ABCC5: variants seen among roughly 807,000 people sequenced by gnomAD.
ABCC5 encodes ATP binding cassette subfamily C member 5.
ABCC5 carries 61 observed loss-of-function variants against 160.9 expected under a neutral mutation model. The ratio of observed to expected loss-of-function variants is 0.38; its 90% CI spans 0.31 to 0.47. ABCC5 has a LOEUF of 0.47. Among genes scored for constraint, ABCC5 ranks in the 20% least tolerant of loss-of-function variants. The pLI is 0.99. For missense variants in ABCC5, 1,308 were observed against 1,813.3 expected, an observed-to-expected ratio of 0.72 and a Z score of 5.06; for synonymous variants, 666 against 700.6, an observed-to-expected ratio of 0.95 and a Z score of 0.78.
chr3:183,994,933 T>C (rs1720140288), intron 2 of ABCC5, among the ~76,000 whole-genome samples: 1 of 151,438 alleles, frequency 6.6e-6, no homozygotes, highest in African/African-American at 2.4e-5. Context: ...TCACGGCTCA[T>C]TGCAGCCTTG....
intron 24 of ABCC5, among the ~76,000 whole-genome samples, chr3:183,944,789 G>A (rs968698576): frequency 6.6e-5 from 10 of 152,088 alleles, no homozygotes; most frequent in African/African-American, 1.9e-4. Flanking sequence ...TGTGTGGCCT[G>A]AGACAATTCT....
At position 183,963,853 on chromosome 3, in the gene ABCC5, A is replaced by C. The variant is rs977670228; in HGVS notation, c.2032-265T>G. On this transcript the variant is annotated intron_variant, in intron 14 of 29. Transcript: ENST00000334444. The surrounding 1 kb of genome is among the most constrained non-coding windows in gnomAD (Gnocchi z 4.6). Reference sequence around the variant, plus strand: ...CATCTGGTCTTGCCAGTCCACCCGGATGCTCCCCCTCCAATCCATTCTCCA... The same window carrying C: ...CATCTGGTCTTGCCAGTCCACCCGGCTGCTCCCCCTCCAATCCATTCTCCA... Among the ~76,000 whole-genome samples, 1 of 152,088 alleles carries C rather than the reference A, an allele frequency of 6.6e-6. No homozygotes were observed. The highest frequency in any genetic ancestry group is 1.5e-5 in the Non-Finnish European group (1 of 68,022).
intron 2 of ABCC5, among the ~76,000 whole-genome samples, chr3:184,012,187 C>G (rs1444586299): frequency 1.3e-5 from 2 of 151,800 alleles, no homozygotes; most frequent in Non-Finnish European, 2.9e-5. Context: ...TATAGGATCT[C>G]TATATTATTT....
chr3:183,925,496 T>A (rs946836894), intron 29 of ABCC5, 59 bp downstream of exon 29: 53 of 1,590,056 alleles, frequency 3.3e-5, no homozygotes, highest in Non-Finnish European at 4.4e-5. Context: ...AGTCCATCCC[T>A]GCCAGGGGCC....
chr3:184,014,977 G>A (rs1576960472), intron 1 of ABCC5, among the ~76,000 whole-genome samples: 2 of 152,194 alleles, frequency 1.3e-5, no homozygotes, highest in Admixed American at 1.3e-4. Flanking sequence ...AAAGCTCCAT[G>A]AAGTTATCCA....
chr3:183,984,668 G>C (rs1233558881), intron 5 of ABCC5: 1 of 1,458,666 alleles, frequency 6.9e-7, no homozygotes, highest in Admixed American at 2.4e-5. Context: ...CCCTCCCTCA[G>C]ATTTTTAGGT....
chr3:183,952,064 A>T, intron 18 of ABCC5, 61 bp from the exon 19 acceptor site: 1 of 1,558,032 alleles, frequency 6.4e-7, no homozygotes, highest in Admixed American at 1.7e-5. Context: ...GCCCCTGCTC[A>T]GCGCCATTCT....
At chr3:183,958,194 T>A (rs1432339268) in intron 17 of ABCC5, among the ~76,000 whole-genome samples, 1 of 152,054 alleles carries the variant, frequency 6.6e-6, no homozygotes, top group African/African-American at 2.4e-5. Flanking sequence ...TGTTACATGC[T>A]TATCCGTGTG....
Position 183,987,151 on chromosome 3 carries a change from G to A in ABCC5, c.591+619C>T. 6.2e-6 allele frequency: 1 copy of A among 161,682 alleles called. No individual in the cohort carries two copies. Among genetic ancestry groups the A allele is most frequent in the Non-Finnish European group, 1.4e-5 (1 of 73,346 alleles). 10.0% of individuals were successfully genotyped at this position (161,682 alleles called of 1,614,324 possible). A position where few individuals can be genotyped will look rare whatever the true frequency, so the allele number is the denominator to read the frequency against. ...GTGTAAGGCAGCACAGCAGGTGTAAGAAACAGGTGCCCAGGAAACAGAGTG... is the reference window on the plus strand; with the variant it reads ...GTGTAAGGCAGCACAGCAGGTGTAAAAAACAGGTGCCCAGGAAACAGAGTG... On this transcript the variant is annotated intron_variant, in intron 5 of 29. Coordinates refer to ENST00000334444, the MANE Select transcript of ABCC5 (RefSeq NM_005688.4). This position sits in a 1 kb window ranked among gnomAD's most constrained non-coding sequence, Gnocchi z 4.2.
chr3:183,945,735 G>C, intron 24 of ABCC5, 115 bp downstream of exon 24: 1 of 791,870 alleles, frequency 1.3e-6, no homozygotes, highest in Non-Finnish European at 2.3e-6. Context: ...AGATTCTGTG[G>C]GATTAGATAG....
At chr3:183,938,711 C>T (rs924684178) in intron 25 of ABCC5, among the ~76,000 whole-genome samples, 4 of 152,142 alleles carry the variant, frequency 2.6e-5, no homozygotes, top group African/African-American at 9.7e-5. Flanking sequence ...GATCTTACAG[C>T]AAGCAGTTGA....
Position 183,981,725 on chromosome 3 carries a change from A to T in ABCC5, c.1147+2T>A, listed in dbSNP as rs1718760751. The stretch of plus-strand genomic sequence containing the variant: ...ATGCACATACAAAATCTTTAAACTC[A>T]CTTTGAACACTCTGAGAAAATGCTT... On this transcript the variant is annotated splice_donor_variant, in intron 8 of 29. Transcript: ENST00000334444. LOFTEE classifies it high-confidence loss of function. 1 of 1,609,946 alleles carries T rather than the reference A, an allele frequency of 6.2e-7. No individual in the cohort carries two copies. Among genetic ancestry groups the T allele is most frequent in the Non-Finnish European group, 8.5e-7 (1 of 1,179,058 alleles).
chr3:183,965,193 G>A lies in ABCC5; in HGVS notation c.2023C>T (p.Leu675=). 6.2e-7 allele frequency: 1 copy of A among 1,614,154 alleles called. No individual in the cohort carries two copies. Among genetic ancestry groups the A allele is most frequent in the Middle Eastern group, 1.7e-4 (1 of 6,054 alleles). Residue 675 remains leucine (L), a synonymous_variant, in exon 14 of 30, where the codon CTG becomes TTG. Transcript: ENST00000334444. The part of the protein sequence containing the change: ...PDLAILPSSD[L]TEIGERGANL... ...GGGCGGAAGGCCTGTACCTCCGTCA[G>A]GTCGCTGCTGGGAAGAATGGCCAGG...
At chr3:183,958,191 T>A (rs1716396576) in intron 17 of ABCC5, among the ~76,000 whole-genome samples, 2 of 152,268 alleles carry the variant, frequency 1.3e-5, no homozygotes, top group South Asian at 4.1e-4. Flanking sequence ...ATCTGTTACA[T>A]GCTTATCCGT....
intron 17 of ABCC5, among the ~76,000 whole-genome samples, chr3:183,958,824 T>G (rs1716468650): frequency 6.6e-6 from 1 of 151,958 alleles, no homozygotes; most frequent in African/African-American, 2.4e-5. Flanking sequence ...GGTCCTGAAC[T>G]CCTGGGCCCG....
chr3:183,968,394 G>A (rs558252981), intron 11 of ABCC5, among the ~76,000 whole-genome samples: 7 of 152,204 alleles, frequency 4.6e-5, no homozygotes, highest in African/African-American at 1.7e-4. Context: ...ACAGGCATGA[G>A]CCACCACGCC....
chr3:183,956,664 G>A lies in ABCC5; in HGVS notation c.2482+3069C>T, dbSNP rs536011189. Among the ~76,000 whole-genome samples the A allele has an allele frequency of 2.2e-3, 289 of 131,372 alleles. 1 individual carries two copies. The highest frequency in any genetic ancestry group is 8.0e-3 in the African/African-American group (266 of 33,374). The allele number at this position is 131,372 out of a possible 152,430, so 86.2% of individuals were successfully genotyped here. ...AATCACATCGGTTACATGCAGATCC[G>A]TGTGTATATCATATAGGTTACATGC... On this transcript the variant is annotated intron_variant, in intron 17 of 29. Coordinates refer to ENST00000334444, the MANE Select transcript of ABCC5 (RefSeq NM_005688.4).
chr3:183,923,936 C>A (rs187003828), intron 29 of ABCC5, among the ~76,000 whole-genome samples: 1 of 150,794 alleles, frequency 6.6e-6, no homozygotes, highest in Admixed American at 6.6e-5. Flanking sequence ...GCTGGCAGTG[C>A]GGTTGCTGGC....
intron 2 of ABCC5, among the ~76,000 whole-genome samples, chr3:183,991,059 C>T (rs1183071836): frequency 6.6e-6 from 1 of 151,974 alleles, no homozygotes; most frequent in Non-Finnish European, 1.5e-5. Context: ...AATCCTGACA[C>T]TTTGGAAGGA....
Sources: gnomAD v4.1 joint callset for allele counts (sites outside exome capture counted in the v4.1 genomes callset) on GRCh38, gnomAD v4.1.1 for gene constraint, Gnocchi (gnomAD v3.1) non-coding constraint, MANE v1.5 for transcripts, NCBI Gene and HGNC (gene_info 2026-07-23, HGNC 2026-07-21) for gene names.